GNG12: variants seen among roughly 807,000 people sequenced by gnomAD.
GNG12 encodes the protein guanine nucleotide-binding protein G(I)/G(S)/G(O) subunit gamma-12.
For synonymous variants in GNG12, 28 were observed against 29.7 expected, an observed-to-expected ratio of 0.94 and a Z score of 0.19; for missense variants, 69 against 83.8, an observed-to-expected ratio of 0.82 and a Z score of 0.69.
chr1:67,826,716 T>C (rs1218230198), intron 1 of GNG12, among the ~76,000 whole-genome samples: 3 of 152,234 alleles, frequency 2.0e-5, no homozygotes, highest in Non-Finnish European at 4.4e-5. Context: ...CTCAATAAAG[T>C]CCAAGAGGCT....
At chr1:67,723,886 G>A (rs1646370904) in intron 2 of GNG12, among the ~76,000 whole-genome samples, 1 of 152,166 alleles carries the variant, frequency 6.6e-6, no homozygotes, top group Non-Finnish European at 1.5e-5. Context: ...TCACTTTACG[G>A]GGTAAAAGGA....
At chr1:67,810,076 TACTC>T (rs999826637) in intron 1 of GNG12, among the ~76,000 whole-genome samples, 1 of 152,190 alleles carries the variant, frequency 6.6e-6, no homozygotes, top group African/African-American at 2.4e-5. Context: ...AATAGAATAT[TACTC>T]AGTGCTAAAA....
intron 2 of GNG12, among the ~76,000 whole-genome samples, chr1:67,744,850 T>C (rs1047575248): frequency 1.3e-5 from 2 of 152,108 alleles, no homozygotes; most frequent in African/African-American, 4.8e-5. Flanking sequence ...TCCCAGCACA[T>C]CTCCTAAGAG....
intron 1 of GNG12, among the ~76,000 whole-genome samples, chr1:67,786,989 G>GTA (rs1211405548): frequency 1.5e-5 from 2 of 132,884 alleles, no homozygotes; most frequent in African/African-American, 3.0e-5. Flanking sequence ...GTGTGTGTAT[G>GTA]TATATATATG....
intron 1 of GNG12, among the ~76,000 whole-genome samples, chr1:67,780,594 T>C (rs181326577): frequency 2.8e-4 from 43 of 152,276 alleles, no homozygotes; most frequent in Non-Finnish European, 5.3e-4. Flanking sequence ...ATTGAAAGGA[T>C]AGGAGCCAAG....
Position 67,723,201 on chromosome 1 carries a change from C to T in GNG12, c.-26-15489G>A, listed in dbSNP as rs1413491251. ...TCTTGGGGCTGAATGGGAGTGACAG[C>T]CCAGAAATGGCTGTTGATTTCCAAG... On this transcript the variant is annotated intron_variant, in intron 2 of 3. Coordinates refer to ENST00000370982, the MANE Select transcript of GNG12 (RefSeq NM_018841.6). Among the ~76,000 whole-genome samples, 3 of 152,118 alleles carry T rather than the reference C, an allele frequency of 2.0e-5. No individual in the cohort carries two copies. In the South Asian group the frequency reaches 6.2e-4, roughly 32 times the overall value.
At chr1:67,748,806 G>A (rs538166573) in intron 2 of GNG12, among the ~76,000 whole-genome samples, 2 of 152,148 alleles carry the variant, frequency 1.3e-5, no homozygotes, top group South Asian at 4.1e-4. Flanking sequence ...ACTTTTGGAG[G>A]CAGGACTGCC....
intron 1 of GNG12, among the ~76,000 whole-genome samples, chr1:67,803,366 T>A (rs1276316): frequency 0.37 from 55,197 of 148,290 alleles, 10,189 homozygotes; most frequent in African/African-American, 0.42. Context: ...AAAAAAAAAA[T>A]TTTTTTTAAG....
chr1:67,748,981 TA>T (rs55634934), intron 2 of GNG12, among the ~76,000 whole-genome samples: 22,616 of 146,104 alleles, frequency 0.15, 2,286 homozygotes, highest in African/African-American at 0.3. Flanking sequence ...AAACTCTCCT[TA>T]AAAAAAAAAA....
At chr1:67,776,931 T>A (rs937471264) in intron 2 of GNG12, among the ~76,000 whole-genome samples, 3 of 152,154 alleles carry the variant, frequency 2.0e-5, no homozygotes, top group Non-Finnish European at 4.4e-5. Context: ...TTCTCACTTT[T>A]AAAAAGTACA....
At chr1:67,722,397 C>T (rs922533239) in intron 2 of GNG12, among the ~76,000 whole-genome samples, 15 of 152,052 alleles carry the variant, frequency 9.9e-5, no homozygotes, top group Admixed American at 5.9e-4. Context: ...TGAATGTGGG[C>T]GACTGGGCTG....
intron 1 of GNG12, among the ~76,000 whole-genome samples, chr1:67,817,504 G>A (rs1053191846): frequency 2.0e-5 from 3 of 152,156 alleles, no homozygotes; most frequent in African/African-American, 7.2e-5. Context: ...TCCACACACT[G>A]TCTCCACCCT....
intron 1 of GNG12, among the ~76,000 whole-genome samples, chr1:67,805,620 G>GA (rs1383776040): frequency 1.3e-5 from 2 of 152,030 alleles, no homozygotes; most frequent in Admixed American, 6.5e-5. Flanking sequence ...AAAGCAAAGA[G>GA]AAAAAACATG....
chr1:67,818,958 C>T (rs1324209427), intron 1 of GNG12, among the ~76,000 whole-genome samples: 2 of 152,018 alleles, frequency 1.3e-5, no homozygotes, highest in Non-Finnish European at 2.9e-5. Flanking sequence ...TACTAGACTG[C>T]GATGCCTTTG....
intron 2 of GNG12, among the ~76,000 whole-genome samples, chr1:67,746,738 G>A (rs185965590): frequency 2.6e-5 from 4 of 152,326 alleles, no homozygotes; most frequent in African/African-American, 4.8e-5. Context: ...GACCCAGAGA[G>A]TATTAGTAAG....
chr1:67,763,965 GT>G (rs1646621441), intron 2 of GNG12, among the ~76,000 whole-genome samples: 1 of 152,162 alleles, frequency 6.6e-6, no homozygotes, highest in African/African-American at 2.4e-5. Flanking sequence ...TTGCACTGCT[GT>G]TTTAGTGGCT....
At chr1:67,815,783 G>GT (rs1646950138) in intron 1 of GNG12, among the ~76,000 whole-genome samples, 1 of 152,088 alleles carries the variant, frequency 6.6e-6, no homozygotes, top group Non-Finnish European at 1.5e-5. Context: ...CACAGACTCC[G>GT]TAACTAGATG....
intron 2 of GNG12, among the ~76,000 whole-genome samples, chr1:67,711,453 G>T (rs1323844571): frequency 1.3e-5 from 2 of 151,932 alleles, no homozygotes; most frequent in East Asian, 3.9e-4. Flanking sequence ...TTTCTCGGGG[G>T]GGTGGTGGCA....
intron 1 of GNG12, among the ~76,000 whole-genome samples, chr1:67,786,157 G>T (rs1570547281): frequency 6.6e-6 from 1 of 152,284 alleles, no homozygotes; most frequent in African/African-American, 2.4e-5. Flanking sequence ...CTTCAAAAGT[G>T]GGGATGATTT....
Sources: gnomAD v4.1 joint callset for allele counts (sites outside exome capture counted in the v4.1 genomes callset) on GRCh38, gnomAD v4.1.1 for gene constraint, MANE v1.5 for transcripts, NCBI Gene and HGNC (gene_info 2026-07-23, HGNC 2026-07-21) for gene names.